The following SGK3 variants were observed in gnomAD, a reference collection of about 807,000 sequenced individuals.
SGK3 encodes serum/glucocorticoid regulated kinase family member 3.
SGK3 carries 47 observed loss-of-function variants against 68.5 expected under a neutral mutation model. The ratio of observed to expected loss-of-function variants is 0.69; its 90% CI spans 0.54 to 0.87. SGK3 has a LOEUF of 0.87. Among genes scored for constraint, SGK3 ranks in the 40% least tolerant of loss-of-function variants. The pLI is 0.00. For synonymous variants in SGK3, 181 were observed against 189.1 expected (o/e 0.96, Z 0.35); for missense variants, 479 against 575.5 (o/e 0.83, Z 1.72).
intron 1 of SGK3, among the ~76,000 whole-genome samples, chr8:66,738,964 C>T (rs1023541432): frequency 2.0e-5 from 3 of 152,108 alleles, no homozygotes; most frequent in Admixed American, 6.6e-5. Flanking sequence ...TTTCCTGTAA[C>T]CATTTTTACC....
At chr8:66,733,089 C>T (rs533016486) in intron 1 of SGK3, among the ~76,000 whole-genome samples, 2 of 152,114 alleles carry the variant, frequency 1.3e-5, no homozygotes, top group Admixed American at 6.5e-5. Flanking sequence ...CGAATCATTT[C>T]GGTATTATTG....
intron 1 of SGK3, chr8:66,767,420 C>T: frequency 7.6e-7 from 1 of 1,324,312 alleles, no homozygotes; most frequent in African/African-American, 1.4e-5. Context: ...TCAGAGCAAA[C>T]AGGTGGCAAT....
intron 1 of SGK3, among the ~76,000 whole-genome samples, chr8:66,736,007 A>G (rs1454521147): frequency 6.6e-6 from 1 of 152,244 alleles, no homozygotes; most frequent in Non-Finnish European, 1.5e-5. Context: ...TGTTATGTGT[A>G]GAAGTAGCAA....
intron 13 of SGK3, among the ~76,000 whole-genome samples, chr8:66,842,695 G>GA (rs1257434524): frequency 2.6e-5 from 4 of 152,096 alleles, no homozygotes; most frequent in African/African-American, 9.7e-5. Context: ...ATATGTTAGA[G>GA]AATTGCTGTT....
intron 1 of SGK3, among the ~76,000 whole-genome samples, chr8:66,778,357 C>T (rs556459623): frequency 1.3e-5 from 2 of 152,150 alleles, no homozygotes; most frequent in African/African-American, 2.4e-5. Context: ...GAAGTGGTGG[C>T]GCGATCTCGG....
At position 66,790,098 on chromosome 8, in the gene SGK3, G is replaced by C. The variant is rs540965455; in HGVS notation, c.-121-3518G>C. On this transcript the variant is annotated intron_variant, in intron 1 of 16. Coordinates refer to ENST00000521198, the MANE Select transcript of SGK3 (RefSeq NM_001033578.3). ...ATCTCAAAAAAAAGAAAAAAAATAG[G>C]TCACAATAATCTTATTAGTCTTCCT... Among the ~76,000 whole-genome samples the C allele has an allele frequency of 7.9e-4, 120 of 152,060 alleles. No homozygotes were observed. The South Asian group carries it at 0.024, about 31-fold the overall frequency.
chr8:66,829,695 A>T (rs1809219299), intron 7 of SGK3, among the ~76,000 whole-genome samples: 1 of 152,170 alleles, frequency 6.6e-6, no homozygotes. Flanking sequence ...AAGGGTTCAC[A>T]AGAGAACTAG....
chr8:66,717,265 C>G (rs1312907331), intron 1 of SGK3, among the ~76,000 whole-genome samples: 1 of 149,882 alleles, frequency 6.7e-6, no homozygotes, highest in African/African-American at 2.5e-5. Flanking sequence ...CTTGGTGGCT[C>G]ACGCCTATAA....
chr8:66,848,896 T>C (rs1016502096), intron 15 of SGK3, among the ~76,000 whole-genome samples: 1 of 152,214 alleles, frequency 6.6e-6, no homozygotes, highest in Non-Finnish European at 1.5e-5. Context: ...CCAGTAGAAT[T>C]GCTGGATACT....
At chr8:66,759,753 C>T (rs1363344975) in intron 1 of SGK3, among the ~76,000 whole-genome samples, 1 of 152,108 alleles carries the variant, frequency 6.6e-6, no homozygotes, top group African/African-American at 2.4e-5. Context: ...AGCTCCGCCT[C>T]CTGGGTTCAC....
rs376475000 is a variant in SGK3 at position 66,742,930 on chromosome 8, G to A, written c.-122+30097G>A. ...CCATTTTCTCTGCTATGCCTTTAGC[G>A]CACACTTTGTTTTCCTGCTTTTGAG... On this transcript the variant is annotated intron_variant, in intron 1 of 16. Transcript: ENST00000521198. Among the ~76,000 whole-genome samples the A allele has an allele frequency of 2.2e-4, 33 of 151,992 alleles. No individual in the cohort carries two copies. In the East Asian group the frequency reaches 2.7e-3, roughly 12 times the overall value.
intron 1 of SGK3, among the ~76,000 whole-genome samples, chr8:66,736,935 A>T (rs927235257): frequency 4.0e-5 from 6 of 149,130 alleles, no homozygotes; most frequent in Non-Finnish European, 5.9e-5. Context: ...GCTACTTTTT[A>T]AAAAATTTTT....
At chr8:66,738,708 A>G (rs1805395426) in intron 1 of SGK3, among the ~76,000 whole-genome samples, 1 of 152,012 alleles carries the variant, frequency 6.6e-6, no homozygotes, top group African/African-American at 2.4e-5. Flanking sequence ...GCTCACTGCA[A>G]GCTCCGCCTC....
At position 66,816,000 on chromosome 8, in the gene SGK3, A is replaced by G. The variant is rs571376538; in HGVS notation, c.329+2072A>G. ...CCCCAAAAATAGTCAAGAGTTTTTTAAACTTAATTTTTTTTTTGAGACGGA... is the reference window on the plus strand; with the variant it reads ...CCCCAAAAATAGTCAAGAGTTTTTTGAACTTAATTTTTTTTTTGAGACGGA... On this transcript the variant is annotated intron_variant, in intron 5 of 16. Coordinates refer to ENST00000521198, the MANE Select transcript of SGK3 (RefSeq NM_001033578.3). 2.1e-4 allele frequency among the ~76,000 whole-genome samples: 32 copies of G among 152,224 alleles called. No individual in the cohort carries two copies. In the South Asian group the frequency reaches 6.0e-3, roughly 29 times the overall value.
chr8:66,722,468 A>G (rs893640650), intron 1 of SGK3, among the ~76,000 whole-genome samples: 6 of 152,116 alleles, frequency 3.9e-5, no homozygotes, highest in Non-Finnish European at 7.4e-5. Flanking sequence ...TTTTTAGTAG[A>G]GATGGGGTTT....
intron 1 of SGK3, 82 bp downstream of exon 1, chr8:66,712,915 G>A (rs889718395): frequency 3.3e-5 from 5 of 152,050 alleles, no homozygotes; most frequent in Admixed American, 6.5e-5. Context: ...GGCGGGGCGA[G>A]GGCTGCCCGG....
chr8:66,748,612 G>A (rs1156248438), intron 1 of SGK3, among the ~76,000 whole-genome samples: 8 of 152,022 alleles, frequency 5.3e-5, no homozygotes, highest in Non-Finnish European at 4.4e-5. Flanking sequence ...ATTTGCTGGC[G>A]AGGAACCCAC....
At chr8:66,847,476 C>A in intron 15 of SGK3, 128 bp downstream of exon 15, 1 of 1,381,534 alleles carries the variant, frequency 7.2e-7, no homozygotes. Context: ...GGAAAAAAAG[C>A]ATACTTGTCT....
chr8:66,779,079 C>T (rs1390920338), intron 1 of SGK3, among the ~76,000 whole-genome samples: 1 of 152,056 alleles, frequency 6.6e-6, no homozygotes, highest in Non-Finnish European at 1.5e-5. Flanking sequence ...TTAAAAAAAA[C>T]TTCATACCTT....
Sources: gnomAD v4.1 joint callset for allele counts (sites outside exome capture counted in the v4.1 genomes callset) on GRCh38, gnomAD v4.1.1 for gene constraint, MANE v1.5 for transcripts, NCBI Gene and HGNC (gene_info 2026-07-23, HGNC 2026-07-21) for gene names.